LRP1B: variants seen among roughly 807,000 people sequenced by gnomAD.
LRP1B encodes low-density lipoprotein receptor-related protein 1B.
LRP1B carries 217 observed loss-of-function variants against 556.6 expected under a neutral mutation model. That is an observed-to-expected ratio of 0.39 (90% CI 0.35 to 0.44). The LOEUF is 0.44. LRP1B is among the 20% of genes least tolerant of loss of function. The pLI, the probability that LRP1B is intolerant of heterozygous loss-of-function variation, is 1.00. For missense variants in LRP1B, 5,053 were observed against 5,620.8 expected (o/e 0.90, Z 3.23); for synonymous variants, 2,047 against 1,865.8 (o/e 1.10, Z -2.50).
chr2:140,989,505 T>G (rs1373004775), intron 17 of LRP1B, 27 bp downstream of exon 17: 2 of 1,611,470 alleles, frequency 1.2e-6, no homozygotes, highest in East Asian at 2.2e-5. Context: ...GGAGGAGATT[T>G]ACGTGTATAT....
At chr2:141,658,893 A>G (rs1226395176) in intron 2 of LRP1B, among the ~76,000 whole-genome samples, 1 of 152,036 alleles carries the variant, frequency 6.6e-6, no homozygotes, top group Non-Finnish European at 1.5e-5. Flanking sequence ...CAAAGAAGAG[A>G]TTAAGATTTT....
chr2:141,461,772 C>T (rs1011462040), intron 3 of LRP1B, among the ~76,000 whole-genome samples: 3 of 152,192 alleles, frequency 2.0e-5, no homozygotes, highest in Admixed American at 6.5e-5. Flanking sequence ...AGACAACCTT[C>T]CTTTTCCATA....
At chr2:141,775,075 G>A (rs1574345979) in intron 2 of LRP1B, among the ~76,000 whole-genome samples, 1 of 152,150 alleles carries the variant, frequency 6.6e-6, no homozygotes, top group Admixed American at 6.5e-5. Context: ...GTGCTATGTT[G>A]AAAATCACAT....
chr2:140,595,994 G>A (rs1029127999), intron 43 of LRP1B, among the ~76,000 whole-genome samples: 4 of 152,094 alleles, frequency 2.6e-5, no homozygotes, highest in Non-Finnish European at 5.9e-5. Flanking sequence ...TAAGCATTTA[G>A]TCTTCCCCTT....
intron 42 of LRP1B, among the ~76,000 whole-genome samples, 170 bp from the exon 43 acceptor site, chr2:140,599,005 A>T (rs1304514979): frequency 6.6e-6 from 1 of 152,182 alleles, no homozygotes; most frequent in Non-Finnish European, 1.5e-5. Flanking sequence ...TTATATATGC[A>T]TGTTAATTTT....
intron 21 of LRP1B, among the ~76,000 whole-genome samples, chr2:140,921,221 G>T (rs188672629): frequency 7.9e-5 from 12 of 151,916 alleles, no homozygotes; most frequent in African/African-American, 2.4e-4. Context: ...TCTGTATAGA[G>T]AAATTGCAGC....
chr2:140,415,050 G>A (rs1481877317), intron 66 of LRP1B, among the ~76,000 whole-genome samples: 4 of 152,124 alleles, frequency 2.6e-5, no homozygotes, highest in African/African-American at 7.2e-5. Flanking sequence ...TGTCTTATTC[G>A]ATTGAGATAA....
intron 7 of LRP1B, among the ~76,000 whole-genome samples, chr2:141,132,858 TAAAG>T (rs1701393673): frequency 6.6e-6 from 1 of 151,908 alleles, no homozygotes; most frequent in Admixed American, 6.6e-5. Flanking sequence ...CCTAGAAAAA[TAAAG>T]AACATATCTT....
At chr2:140,940,942 T>C (rs1259509181) in intron 20 of LRP1B, among the ~76,000 whole-genome samples, 1 of 152,164 alleles carries the variant, frequency 6.6e-6, no homozygotes, top group Admixed American at 6.6e-5. Context: ...GTTTCTTGAC[T>C]TTTTAAGTGA....
chr2:141,348,895 G>T (rs373001076), intron 3 of LRP1B, among the ~76,000 whole-genome samples: 5 of 151,974 alleles, frequency 3.3e-5, no homozygotes, highest in African/African-American at 1.2e-4. Flanking sequence ...GAGAACTGAT[G>T]ATTCTATAAG....
chr2:140,982,570 C>T (rs1696803317), intron 17 of LRP1B, among the ~76,000 whole-genome samples: 1 of 152,056 alleles, frequency 6.6e-6, no homozygotes. Context: ...AAACTTTTGC[C>T]CAGCACATGC....
At position 140,782,471 on chromosome 2, in the gene LRP1B, T is replaced by C. The variant is rs143178374; in HGVS notation, c.5360-6233A>G. 6.8e-3 allele frequency among the ~76,000 whole-genome samples: 1,038 copies of C among 152,150 alleles called. 11 individuals carry two copies. The highest frequency in any genetic ancestry group is 0.023 in the African/African-American group (951 of 41,502). On this transcript the variant is annotated intron_variant, in intron 32 of 90. Transcript: ENST00000389484. Reference sequence around the variant, plus strand: ...CAGGGAGAAGACCGTCATCTACAAATAAGGAGAGTGACCTTAGAAGAATCC... The same window carrying C: ...CAGGGAGAAGACCGTCATCTACAAACAAGGAGAGTGACCTTAGAAGAATCC...
chr2:141,415,763 T>C (rs761356142), intron 3 of LRP1B, among the ~76,000 whole-genome samples: 2 of 152,136 alleles, frequency 1.3e-5, no homozygotes, highest in Non-Finnish European at 2.9e-5. Flanking sequence ...TTGTAAATAA[T>C]TATCTCCCCT....
At chr2:140,311,671 TAAAAAAAGCCCA>T (rs1431742189) in intron 83 of LRP1B, among the ~76,000 whole-genome samples, 2 of 151,592 alleles carry the variant, frequency 1.3e-5, no homozygotes, top group Non-Finnish European at 2.9e-5. Flanking sequence ...TTTACACAAA[TAAAAAAAGCCCA>T]AAAAAGGCAA....
intron 2 of LRP1B, among the ~76,000 whole-genome samples, chr2:141,744,974 C>G (rs920369469): frequency 5.3e-5 from 8 of 152,164 alleles, no homozygotes; most frequent in Admixed American, 3.3e-4. Flanking sequence ...TGGAAAATAT[C>G]TACAAGAATT....
chr2:141,890,339 T>C (rs1699248143), intron 1 of LRP1B, among the ~76,000 whole-genome samples: 1 of 135,298 alleles, frequency 7.4e-6, no homozygotes, highest in African/African-American at 2.7e-5. Context: ...TATATATATA[T>C]ATATATATAT....
At chr2:141,463,580 A>AATTATGTATTATATATTATTATAT (rs1444610398) in intron 3 of LRP1B, among the ~76,000 whole-genome samples, 4 of 56,440 alleles carry the variant, frequency 7.1e-5, no homozygotes, top group Admixed American at 5.1e-4. Flanking sequence ...TATTATATAT[A>AATTATGTATTATATATTATTATAT]ATTATATATA....
At chr2:141,238,686 G>A (rs12617787) in intron 5 of LRP1B, among the ~76,000 whole-genome samples, 43,373 of 151,948 alleles carry the variant, frequency 0.29, 6,761 homozygotes, top group Middle Eastern at 0.47. Context: ...TAGGAGTAAT[G>A]AGGATGAGGG....
At chr2:140,853,591 T>C (rs1361532102) in intron 27 of LRP1B, among the ~76,000 whole-genome samples, 1 of 152,090 alleles carries the variant, frequency 6.6e-6, no homozygotes, top group African/African-American at 2.4e-5. Flanking sequence ...AGAAATGAAC[T>C]GAATTTGATA....
Sources: allele counts gnomAD v4.1 joint callset (sites outside exome capture counted in the v4.1 genomes callset), GRCh38; gene constraint gnomAD v4.1.1; transcripts MANE v1.5; gene names NCBI Gene and HGNC (gene_info 2026-07-23, HGNC 2026-07-21).